The following NCOA6 variants were observed in gnomAD, a reference collection of about 807,000 sequenced individuals.
NCOA6 encodes the protein NRC RAP250.
A neutral mutation model predicts 171.4 loss-of-function variants in NCOA6; 49 were observed. The ratio of observed to expected loss-of-function variants is 0.29; its 90% CI spans 0.23 to 0.36. The LOEUF (loss-of-function observed/expected upper bound fraction) is 0.36, where lower values mean the gene tolerates loss of function less well. Among genes scored for constraint, NCOA6 ranks in the 10% least tolerant of loss-of-function variants. The probability of loss-of-function intolerance (pLI) is 1.00; values close to 1 mark genes in which losing one functional copy is unlikely to be tolerated. For missense variants in NCOA6, 2,248 were observed against 2,554.5 expected (o/e 0.88, Z 2.59); for synonymous variants, 910 against 927.5 (o/e 0.98, Z 0.34).
intron 10 of NCOA6, among the ~76,000 whole-genome samples, chr20:34,744,405 G>C (rs916772110): frequency 3.3e-5 from 5 of 152,160 alleles, no homozygotes; most frequent in Non-Finnish European, 7.3e-5. Flanking sequence ...TGGGCATACA[G>C]CTGGGCATAT....
At chr20:34,739,748 T>C (rs1342363995) in intron 11 of NCOA6, among the ~76,000 whole-genome samples, 4 of 152,174 alleles carry the variant, frequency 2.6e-5, no homozygotes, top group Admixed American at 6.5e-5. Context: ...TCTGACATAG[T>C]TGGTATAAAG....
In NCOA6 at chr20:34,742,092, C is replaced by G; in HGVS notation, c.4164G>C (p.Gly1388=). ...PTPLANPPVP[G]SFPNNSGLNP... is the part of the protein sequence containing the mutation. ...TCAGCCCACTGTTGTTAGGAAAGCT[C>G]CCAGGTACAGGGGGATTGGCCAGAG... Residue 1388 remains glycine, a synonymous_variant, in exon 11 of 15, where the codon GGG becomes GGC. Coordinates refer to ENST00000359003, the MANE Select transcript of NCOA6 (RefSeq NM_014071.5). 1 of 1,614,172 alleles carries G rather than the reference C, an allele frequency of 6.2e-7. No homozygotes were observed.
At position 34,757,217 on chromosome 20, in the gene NCOA6, C is replaced by T. The variant is rs373820336; in HGVS notation, c.1528+3G>A. On this transcript the variant is annotated splice_donor_region_variant and intron_variant, in intron 7 of 14. Transcript: ENST00000359003. ...CAACACAAATAGCTACAGTGTTCCT[C>T]ACCTCCTAGGCCTGGATGTAAACTC... The T allele has an allele frequency of 6.4e-7, 1 of 1,557,176 alleles. No homozygotes were observed. The highest frequency in any genetic ancestry group is 8.7e-7 in the Non-Finnish European group (1 of 1,153,926).
intron 1 of NCOA6, among the ~76,000 whole-genome samples, chr20:34,809,969 A>C (rs577398662): frequency 6.6e-6 from 1 of 152,302 alleles, no homozygotes; most frequent in Non-Finnish European, 1.5e-5. Flanking sequence ...CTGTCTCAAA[A>C]AAAAAGAGTT....
chr20:34,766,325 T>C (rs1300083264), intron 5 of NCOA6, among the ~76,000 whole-genome samples: 4 of 152,090 alleles, frequency 2.6e-5, no homozygotes, highest in African/African-American at 9.7e-5. Flanking sequence ...TATAGCACTA[T>C]AATTGGCTGG....
At chr20:34,755,057 G>A (rs1257164446) in intron 7 of NCOA6, among the ~76,000 whole-genome samples, 189 bp from the exon 8 acceptor site, 1 of 152,068 alleles carries the variant, frequency 6.6e-6, no homozygotes, top group African/African-American at 2.4e-5. Context: ...TCTTATATGA[G>A]GCATTGTCAA....
intron 3 of NCOA6, among the ~76,000 whole-genome samples, chr20:34,778,166 T>C (rs565902248): frequency 5.4e-4 from 82 of 152,114 alleles, no homozygotes; most frequent in Non-Finnish European, 1.1e-3. Flanking sequence ...CCTCCCGAAG[T>C]GCTGGGATTA....
chr20:34,788,376 T>C (rs1418284465), intron 2 of NCOA6, among the ~76,000 whole-genome samples: 1 of 152,178 alleles, frequency 6.6e-6, no homozygotes, highest in Non-Finnish European at 1.5e-5. Flanking sequence ...TACCTACTTT[T>C]AAGCATGTAG....
chr20:34,743,406 A>G (rs1284377381), intron 10 of NCOA6, 65 bp from the exon 11 acceptor site: 2 of 1,502,312 alleles, frequency 1.3e-6, no homozygotes, highest in African/African-American at 2.8e-5. Context: ...CTACCTTTAG[A>G]GTATAGCCAA....
chr20:34,815,687 A>C (rs1262697014), intron 1 of NCOA6, among the ~76,000 whole-genome samples: 3 of 152,144 alleles, frequency 2.0e-5, no homozygotes, highest in Non-Finnish European at 2.9e-5. Context: ...AAGCTGATGT[A>C]TCTCTCAATG....
chr20:34,749,480 C>T lies in NCOA6; in HGVS notation c.2715G>A (p.Lys905=), dbSNP rs1449119379. The change falls in exon 9 of 15, where the codon AAG becomes AAA. Residue 905 remains lysine (K), a synonymous_variant. Transcript: ENST00000359003. ...ISAGHFGVNN[K]QNNTNANKPK... ...GTTTATTTGCGTTGGTATTATTTTG[C>T]TTATTGTTTACCCCAAAATGGCCTG... 3.7e-6 allele frequency: 6 copies of T among 1,613,978 alleles called. No homozygotes were observed. The highest frequency in any genetic ancestry group is 1.1e-5 in the South Asian group (1 of 91,076).
At chr20:34,764,159 C>T (rs1175997785) in intron 5 of NCOA6, among the ~76,000 whole-genome samples, 1 of 151,392 alleles carries the variant, frequency 6.6e-6, no homozygotes, top group Non-Finnish European at 1.5e-5. Flanking sequence ...GCGATCTCGG[C>T]TCACTGCAAG....
At chr20:34,804,876 T>C (rs139843967) in intron 1 of NCOA6, among the ~76,000 whole-genome samples, 2 of 152,242 alleles carry the variant, frequency 1.3e-5, no homozygotes, top group Admixed American at 6.5e-5. Context: ...TTTGAAAATA[T>C]ACAATAAATT....
At chr20:34,803,037 C>T (rs1207065954) in intron 1 of NCOA6, among the ~76,000 whole-genome samples, 1 of 151,948 alleles carries the variant, frequency 6.6e-6, no homozygotes, top group Non-Finnish European at 1.5e-5. Flanking sequence ...TTTCCAACTC[C>T]TGGGCTCAAG....
At position 34,741,616 on chromosome 20, in the gene NCOA6, A is replaced by T. The variant is rs1253706682; in HGVS notation, c.4640T>A (p.Leu1547Gln). The T allele has an allele frequency of 1.9e-6, 3 of 1,614,096 alleles. No homozygotes were observed. The highest frequency in any genetic ancestry group is 2.5e-6 in the Non-Finnish European group (3 of 1,180,050). Reference sequence around the variant, plus strand: ...CAGCTCATTACTGTGAGGTAAGTTTAGGGAATTAGAAGGTTCTTTAGAAGA... The same window carrying T: ...CAGCTCATTACTGTGAGGTAAGTTTTGGGAATTAGAAGGTTCTTTAGAAGA... ...LSSSKEPSNSLNLPHSNELCS... is the reference protein window; with the variant it reads ...LSSSKEPSNSQNLPHSNELCS... The change falls in exon 11 of 15, where the codon CTA (leucine) becomes CAA (glutamine). Residue 1547 changes from leucine (L) to glutamine (Q), a missense_variant. Coordinates refer to ENST00000359003, the MANE Select transcript of NCOA6 (RefSeq NM_014071.5).
At chr20:34,801,846 C>G (rs544027294) in intron 1 of NCOA6, among the ~76,000 whole-genome samples, 2 of 151,678 alleles carry the variant, frequency 1.3e-5, no homozygotes, top group Non-Finnish European at 2.9e-5. Flanking sequence ...GCCTCGGCGA[C>G]AGAGACTCCA....
intron 11 of NCOA6, among the ~76,000 whole-genome samples, chr20:34,740,023 T>C (rs2145532788): frequency 6.6e-6 from 1 of 152,244 alleles, no homozygotes; most frequent in East Asian, 1.9e-4. Flanking sequence ...CCATCATGCC[T>C]GGCTAATTTT....
In NCOA6 at chr20:34,804,776, GTAA is replaced by G. The variant is rs1453314189; in HGVS notation, c.-163-12216_-163-12214del. ...ATATTTTGATACATGTATACAATGT[GTAA>G]TAATCAAATCAGAGTAATTAATTAG... is the stretch of plus-strand genomic sequence containing the variant. On this transcript the variant is annotated intron_variant, in intron 1 of 14. Transcript: ENST00000359003. Among the ~76,000 whole-genome samples, 3 of 152,010 alleles carry G rather than the reference GTAA, an allele frequency of 2.0e-5. 1 individual carries two copies. The highest frequency in any genetic ancestry group is 6.3e-3 in the Middle Eastern group (2 of 316).
At chr20:34,778,814 C>T (rs2077423132) in intron 3 of NCOA6, among the ~76,000 whole-genome samples, 1 of 151,754 alleles carries the variant, frequency 6.6e-6, no homozygotes, top group African/African-American at 2.4e-5. Flanking sequence ...AAAAAATTAG[C>T]CTGGTGTGGT....
Sources: gnomAD v4.1 joint callset for allele counts (sites outside exome capture counted in the v4.1 genomes callset) on GRCh38, gnomAD v4.1.1 for gene constraint, MANE v1.5 for transcripts, NCBI Gene and HGNC (gene_info 2026-07-23, HGNC 2026-07-21) for gene names.